The following PRELID2 variants were observed in gnomAD, a reference collection of about 807,000 sequenced individuals.
The protein encoded by PRELID2 is PRELI domain containing 2, also known as PRELI domain-containing protein 2.
PRELID2 carries 25 observed loss-of-function variants against 28.4 expected under a neutral mutation model. The ratio of observed to expected loss-of-function variants is 0.88; its 90% CI spans 0.64 to 1.23. The LOEUF is 1.23. Ranked by LOEUF, PRELID2 falls within the 50% of genes most tolerant of loss-of-function variation. The probability of loss-of-function intolerance (pLI) is 0.00; values close to 1 mark genes in which losing one functional copy is unlikely to be tolerated. For synonymous variants in PRELID2, 76 were observed against 71.6 expected, an observed-to-expected ratio of 1.06 and a Z score of -0.31; for missense variants, 201 against 214.4, an observed-to-expected ratio of 0.94 and a Z score of 0.39.
chr5:145,427,578 G>A, the PRELID2 span, among the ~76,000 whole-genome samples: 1 of 152,194 alleles, frequency 6.6e-6, no homozygotes, highest in Non-Finnish European at 1.5e-5. Flanking sequence ...GTGCCAGGAG[G>A]TATTTAGTCC....
chr5:145,608,039 C>G (rs1408262919), intron 1 of PRELID2, among the ~76,000 whole-genome samples: 1 of 132,940 alleles, frequency 7.5e-6, no homozygotes, highest in Middle Eastern at 3.7e-3. Context: ...ATTTAAAGCC[C>G]GTTTTTTTTT....
rs1224593235 is a variant in PRELID2 at position 145,560,700 on chromosome 5, C to G, written n.71-87385G>C. Reference sequence around the variant, plus strand: ...TGTCAAAAGTTATTCTAACTTCATTCAATCAATGGCTTCATGTTGTGAAAG... The same window carrying G: ...TGTCAAAAGTTATTCTAACTTCATTGAATCAATGGCTTCATGTTGTGAAAG... On this transcript the variant is annotated intron_variant and non_coding_transcript_variant, in intron 1 of 2. Coordinates refer to the PRELID2 transcript ENST00000510259. Among the ~76,000 whole-genome samples the G allele has an allele frequency of 3.9e-5, 6 of 152,304 alleles. No homozygotes were observed. In the East Asian group the frequency reaches 7.7e-4, roughly 20 times the overall value.
the PRELID2 span, among the ~76,000 whole-genome samples, chr5:145,282,114 G>A: frequency 6.6e-6 from 1 of 152,126 alleles, no homozygotes; most frequent in African/African-American, 2.4e-5. Context: ...CACCCAGTGT[G>A]TTTAGTATAT....
chr5:145,446,845 G>C, the PRELID2 span, among the ~76,000 whole-genome samples: 1 of 151,960 alleles, frequency 6.6e-6, no homozygotes, highest in Non-Finnish European at 1.5e-5. Context: ...TCAGGAGTTA[G>C]AGACCAGCCT....
chr5:145,237,027 A>T, the PRELID2 span, among the ~76,000 whole-genome samples: 1 of 152,246 alleles, frequency 6.6e-6, no homozygotes, highest in African/African-American at 2.4e-5. Context: ...GAGGAACTTG[A>T]CATACACATC....
chr5:145,516,214 G>T (rs1580965002), intron 1 of PRELID2, among the ~76,000 whole-genome samples: 1 of 152,188 alleles, frequency 6.6e-6, no homozygotes, highest in South Asian at 2.1e-4. Context: ...TCTGCTTGCA[G>T]ATGACATGAT....
chr5:145,748,070 C>CT (rs1757037933), intron 1 of PRELID2, among the ~76,000 whole-genome samples: 1 of 152,158 alleles, frequency 6.6e-6, no homozygotes, highest in Non-Finnish European at 1.5e-5. Flanking sequence ...GGGACAAAAG[C>CT]TGGAAGCATT....
chr5:145,358,784 A>C, the PRELID2 span, among the ~76,000 whole-genome samples: 245 of 152,346 alleles, frequency 1.6e-3, no homozygotes, highest in African/African-American at 5.8e-3. Context: ...CCAAATGTGC[A>C]TGCAAAATAT....
At chr5:145,585,561 A>T (rs1561510863) in intron 1 of PRELID2, among the ~76,000 whole-genome samples, 1 of 152,164 alleles carries the variant, frequency 6.6e-6, no homozygotes, top group Non-Finnish European at 1.5e-5. Context: ...CACCTAGAAA[A>T]GTTGAGTATA....
chr5:145,670,720 CTCTG>C (rs1754689056), intron 1 of PRELID2, among the ~76,000 whole-genome samples: 1 of 152,156 alleles, frequency 6.6e-6, no homozygotes, highest in African/African-American at 2.4e-5. Flanking sequence ...CCCAATCTCT[CTCTG>C]TCTTTTTTGG....
chr5:145,242,713 T>A, the PRELID2 span, among the ~76,000 whole-genome samples: 3 of 152,038 alleles, frequency 2.0e-5, no homozygotes, highest in Admixed American at 6.6e-5. Flanking sequence ...AAAGAACAAC[T>A]AAATAACCTG....
chr5:145,523,370 T>C (rs1382589940), intron 1 of PRELID2, among the ~76,000 whole-genome samples: 1 of 152,218 alleles, frequency 6.6e-6, no homozygotes, highest in Non-Finnish European at 1.5e-5. Context: ...AAAGTTCATA[T>C]ATTCAATTTG....
intron 1 of PRELID2, among the ~76,000 whole-genome samples, chr5:145,540,185 T>G (rs1378011419): frequency 1.3e-5 from 2 of 151,992 alleles, no homozygotes; most frequent in Non-Finnish European, 2.9e-5. Flanking sequence ...CTCCTTGCTT[T>G]AAAATTCTGC....
chr5:145,804,493 G>A (rs1431334746), intron 4 of PRELID2, among the ~76,000 whole-genome samples: 3 of 152,142 alleles, frequency 2.0e-5, no homozygotes, highest in Non-Finnish European at 4.4e-5. Context: ...CTGGGCAGCA[G>A]AGCTAGACTC....
intron 1 of PRELID2, among the ~76,000 whole-genome samples, chr5:145,740,090 C>T (rs1354815766): frequency 6.7e-6 from 1 of 149,918 alleles, no homozygotes; most frequent in South Asian, 2.1e-4. Flanking sequence ...TAACAAGAAA[C>T]TCACATGAAA....
At chr5:145,462,468 A>G in the PRELID2 span, among the ~76,000 whole-genome samples, 1 of 152,240 alleles carries the variant, frequency 6.6e-6, no homozygotes, top group Non-Finnish European at 1.5e-5. Context: ...TACAAGTCCT[A>G]TTCTTTTAAG....
At chr5:145,570,870 T>C (rs1017413406) in intron 1 of PRELID2, among the ~76,000 whole-genome samples, 3 of 152,178 alleles carry the variant, frequency 2.0e-5, no homozygotes, top group African/African-American at 7.2e-5. Context: ...TTATTGAGAA[T>C]GAAATTAAAG....
intron 1 of PRELID2, among the ~76,000 whole-genome samples, chr5:145,718,036 C>T (rs1299993548): frequency 2.6e-5 from 4 of 151,804 alleles, no homozygotes; most frequent in African/African-American, 7.3e-5. Flanking sequence ...AATTGAAGTT[C>T]GTGGAAAGCA....
intron 1 of PRELID2, among the ~76,000 whole-genome samples, chr5:145,478,802 T>G (rs1217338644): frequency 6.6e-6 from 1 of 152,232 alleles, no homozygotes; most frequent in Admixed American, 6.5e-5. Flanking sequence ...TTACCCACGC[T>G]GTCTTTTGGT....
Sources: gnomAD v4.1 joint callset for allele counts (sites outside exome capture counted in the v4.1 genomes callset) on GRCh38, gnomAD v4.1.1 for gene constraint, MANE v1.5 for transcripts, NCBI Gene and HGNC (gene_info 2026-07-23, HGNC 2026-07-21) for gene names.